The following NSMCE2 variants were observed in gnomAD, a reference collection of about 807,000 sequenced individuals.
NSMCE2 encodes E3 SUMO-protein ligase NSE2.
Under a neutral mutation model 23.8 loss-of-function variants are expected in NSMCE2, and 24 were observed. That is an observed-to-expected ratio of 1.01 (90% CI 0.73 to 1.42). The LOEUF is 1.42. Among genes scored for constraint, NSMCE2 ranks in the 40% most tolerant of loss-of-function variants. The pLI is 0.00. For missense variants in NSMCE2, 284 were observed against 296.5 expected (o/e 0.96, Z 0.31); for synonymous variants, 92 against 94.1 (o/e 0.98, Z 0.13).
intron 5 of NSMCE2, among the ~76,000 whole-genome samples, chr8:125,250,191 T>C (rs1355202059): frequency 1.3e-5 from 2 of 152,216 alleles, no homozygotes; most frequent in Non-Finnish European, 2.9e-5. Context: ...GGTTTCACCA[T>C]GTTGGCCAGG....
chr8:125,306,797 A>G (rs1426476026), intron 5 of NSMCE2, among the ~76,000 whole-genome samples: 1 of 152,176 alleles, frequency 6.6e-6, no homozygotes, highest in Non-Finnish European at 1.5e-5. Context: ...TTCTTGTTCC[A>G]CCAATTGCTA....
At chr8:125,331,588 C>G in intron 5 of NSMCE2, among the ~76,000 whole-genome samples, 1 of 147,644 alleles carries the variant, frequency 6.8e-6, no homozygotes, top group East Asian at 2.0e-4. Flanking sequence ...TAAAAACGAT[C>G]TTTTTTTTTT....
At chr8:125,116,335 G>A (rs1051609276) in intron 3 of NSMCE2, among the ~76,000 whole-genome samples, 2 of 152,180 alleles carry the variant, frequency 1.3e-5, no homozygotes, top group Non-Finnish European at 2.9e-5. Context: ...AGGTCCTTCA[G>A]TGCAATGACA....
intron 5 of NSMCE2, among the ~76,000 whole-genome samples, chr8:125,327,364 T>G (rs1403009271): frequency 6.6e-6 from 1 of 151,960 alleles, no homozygotes; most frequent in African/African-American, 2.4e-5. Context: ...AATTGAAAAC[T>G]ATATGACTGA....
intron 5 of NSMCE2, among the ~76,000 whole-genome samples, chr8:125,235,863 A>C (rs1825525289): frequency 6.6e-6 from 1 of 152,164 alleles, no homozygotes; most frequent in Non-Finnish European, 1.5e-5. Context: ...TTGCTGTGGG[A>C]AATAAAAGAT....
chr8:125,187,881 A>G (rs1004838113), intron 5 of NSMCE2, among the ~76,000 whole-genome samples: 1 of 152,196 alleles, frequency 6.6e-6, no homozygotes, highest in Non-Finnish European at 1.5e-5. Flanking sequence ...GTATCATATT[A>G]TCTTTTAATG....
chr8:125,354,123 G>T (rs548308842), intron 5 of NSMCE2, among the ~76,000 whole-genome samples: 1 of 151,758 alleles, frequency 6.6e-6, no homozygotes, highest in African/African-American at 2.4e-5. Flanking sequence ...GTAGAGAAGG[G>T]GTTTCACCAT....
chr8:125,121,998 CTGAGA>C (rs1819284596), intron 3 of NSMCE2, among the ~76,000 whole-genome samples: 1 of 151,944 alleles, frequency 6.6e-6, no homozygotes, highest in African/African-American at 2.4e-5. Flanking sequence ...GCAGTAAGCT[CTGAGA>C]TAAGTTCTTA....
At chr8:125,159,741 C>T (rs757648765) in intron 4 of NSMCE2, among the ~76,000 whole-genome samples, 11 of 152,156 alleles carry the variant, frequency 7.2e-5, no homozygotes, top group Non-Finnish European at 1.5e-5. Flanking sequence ...TGGTGGATCA[C>T]TTGCGGTCAG....
At chr8:125,191,567 T>G (rs1030640035) in intron 5 of NSMCE2, among the ~76,000 whole-genome samples, 2 of 152,174 alleles carry the variant, frequency 1.3e-5, no homozygotes, top group African/African-American at 2.4e-5. Flanking sequence ...ATTTAGAGAT[T>G]AGGGAGTAGT....
chr8:125,117,346 C>G (rs1008616997), intron 3 of NSMCE2, among the ~76,000 whole-genome samples: 1 of 152,132 alleles, frequency 6.6e-6, no homozygotes, highest in African/African-American at 2.4e-5. Context: ...CTCAGCCTCC[C>G]AAAGTGCTAG....
At chr8:125,316,484 G>A (rs1440451951) in intron 5 of NSMCE2, among the ~76,000 whole-genome samples, 2 of 152,190 alleles carry the variant, frequency 1.3e-5, no homozygotes, top group African/African-American at 4.8e-5. Context: ...AATTTTCAGG[G>A]CAGGCTCCAG....
intron 5 of NSMCE2, among the ~76,000 whole-genome samples, chr8:125,335,318 C>G (rs1830034316): frequency 1.3e-5 from 2 of 152,130 alleles, no homozygotes; most frequent in Non-Finnish European, 2.9e-5. Flanking sequence ...ACATAAAATG[C>G]CTTTATCCTC....
chr8:125,311,354 T>C lies in NSMCE2; in HGVS notation c.419-45865T>C, dbSNP rs566724841. Among the ~76,000 whole-genome samples, 21 of 152,336 alleles carry C rather than the reference T, an allele frequency of 1.4e-4. No homozygotes were observed. The South Asian group carries it at 1.4e-3, about 11-fold the overall frequency. On this transcript the variant is annotated intron_variant, in intron 5 of 7. Coordinates refer to ENST00000287437, the MANE Select transcript of NSMCE2 (RefSeq NM_173685.4). The stretch of plus-strand genomic sequence containing the variant: ...GTAGAAATCTGTAAAAAAAAATGCG[T>C]AAATTGTATAGTTTCCTTTTCCCAT...
intron 5 of NSMCE2, among the ~76,000 whole-genome samples, chr8:125,230,185 C>T (rs1248914489): frequency 2.0e-5 from 3 of 152,160 alleles, no homozygotes; most frequent in Admixed American, 2.0e-4. Flanking sequence ...GTCTTCCAGA[C>T]AAAGAGATTC....
intron 5 of NSMCE2, among the ~76,000 whole-genome samples, chr8:125,182,998 C>A (rs1301411358): frequency 6.6e-6 from 1 of 152,108 alleles, no homozygotes; most frequent in African/African-American, 2.4e-5. Context: ...ACATTAGCAT[C>A]TATTTAGTCC....
At chr8:125,137,808 T>C (rs143169857) in intron 3 of NSMCE2, among the ~76,000 whole-genome samples, 1 of 152,212 alleles carries the variant, frequency 6.6e-6, no homozygotes, top group African/African-American at 2.4e-5. Flanking sequence ...ACTTAACCTC[T>C]CTGAGCCTGT....
intron 5 of NSMCE2, among the ~76,000 whole-genome samples, chr8:125,252,520 T>A (rs571575613): frequency 6.6e-6 from 1 of 152,190 alleles, no homozygotes; most frequent in African/African-American, 2.4e-5. Context: ...AGCGAGACTC[T>A]GTCTCAAAAA....
chr8:125,134,933 A>G (rs1586488632), intron 3 of NSMCE2, among the ~76,000 whole-genome samples: 2 of 151,942 alleles, frequency 1.3e-5, no homozygotes, highest in East Asian at 1.9e-4. Flanking sequence ...TTTGAGATGG[A>G]ATCTCACTCT....
Sources: allele counts gnomAD v4.1 joint callset (sites outside exome capture counted in the v4.1 genomes callset), GRCh38; gene constraint gnomAD v4.1.1; transcripts MANE v1.5; gene names NCBI Gene and HGNC (gene_info 2026-07-23, HGNC 2026-07-21).